HAGH: variants seen among roughly 807,000 people sequenced by gnomAD.
The protein encoded by HAGH is hydroxyacylglutathione hydrolase.
HAGH carries 29 observed loss-of-function variants against 35.1 expected under a neutral mutation model. The observed-to-expected ratio is 0.83, with a 90% confidence interval of 0.62 to 1.13. The LOEUF is 1.13. Among genes scored for constraint, HAGH ranks in the 50% most tolerant of loss-of-function variants. HAGH has a pLI of 0.00. For missense variants in HAGH, 478 were observed against 419.6 expected, an observed-to-expected ratio of 1.14 and a Z score of -1.22; for synonymous variants, 225 against 176.1, an observed-to-expected ratio of 1.28 and a Z score of -2.20.
intron 7 of HAGH, among the ~76,000 whole-genome samples, chr16:1,814,877 G>A (rs1045594525): frequency 1.3e-5 from 2 of 151,826 alleles, no homozygotes; most frequent in East Asian, 1.9e-4. Context: ...CAGCCTGGGC[G>A]ACAGAGCAAG....
upstream of HAGH, chr16:1,827,052 T>G: frequency 1.2e-6 from 1 of 860,374 alleles, no homozygotes; most frequent in Non-Finnish European, 1.7e-6. Context: ...CCGCCTCTTT[T>G]TTGGCACCGC....
intron 7 of HAGH, 41 bp from the exon 8 acceptor site, chr16:1,809,874 G>A (rs749744030): frequency 4.0e-6 from 6 of 1,488,182 alleles, no homozygotes; most frequent in Middle Eastern, 3.4e-4. Context: ...GAACTTCACA[G>A]GATGGCAGAC....
In HAGH at chr16:1,826,751, G is replaced by C. The variant is rs1376633698; in HGVS notation, c.37C>G (p.Leu13Val). Residue 13 changes from leucine to valine, a missense_variant, in exon 1 of 9, where the codon CTC becomes GTC. Leu to Val is a conservative substitution (Grantham distance 32). Coordinates refer to ENST00000397356, the MANE Select transcript of HAGH (RefSeq NM_005326.6). The stretch of plus-strand genomic sequence containing the variant: ...GCGCAGGCGGCTCCCAGCGCGGCGA[G>C]GCTGCGGCGGCCGAGCAGCCCTCGG... ...VGRGLLGRRSLAALGAACARR... is the reference protein window; with the variant it reads ...VGRGLLGRRSVAALGAACARR... 2 of 1,201,254 alleles carry C rather than the reference G, an allele frequency of 1.7e-6. No individual in the cohort carries two copies. Among genetic ancestry groups the C allele is most frequent in the South Asian group, 4.1e-5 (1 of 24,340 alleles). 74.4% of individuals were successfully genotyped at this position (1,201,254 alleles called of 1,614,324 possible). A position where few individuals can be genotyped will look rare whatever the true frequency, so the allele number is the denominator to read the frequency against.
intron 3 of HAGH, among the ~76,000 whole-genome samples, chr16:1,820,610 G>A (rs977487826): frequency 2.0e-5 from 3 of 152,178 alleles, no homozygotes; most frequent in Admixed American, 1.3e-4. Flanking sequence ...ACGCGCCCAG[G>A]TTTCCCCAGG....
In HAGH at chr16:1,808,055, A is replaced by G. The variant is rs1897479501; in HGVS notation, c.*1228T>C. The G allele has an allele frequency of 6.6e-6, 1 of 152,266 alleles. No individual in the cohort carries two copies. Among genetic ancestry groups the G allele is most frequent in the Non-Finnish European group, 1.5e-5 (1 of 68,060 alleles). 9.4% of individuals were successfully genotyped at this position (152,266 alleles called of 1,614,324 possible). ...TCAGTGAATAGGTCAAATGTTTCAG[A>G]ACACGCGAGAGGCGGCTGCAGCATT... On this transcript the variant is annotated 3_prime_UTR_variant, in exon 9 of 9. Coordinates refer to ENST00000397356, the MANE Select transcript of HAGH (RefSeq NM_005326.6).
intron 1 of HAGH, 34 bp from the exon 2 acceptor site, chr16:1,823,071 G>C: frequency 1.9e-6 from 3 of 1,603,778 alleles, no homozygotes; most frequent in Non-Finnish European, 1.7e-6. Context: ...GCGGGCAGCC[G>C]CGCCAGGCCC....
chr16:1,809,010 T>C lies in HAGH; in HGVS notation c.*273A>G. On this transcript the variant is annotated 3_prime_UTR_variant, in exon 9 of 9. Transcript: ENST00000397356. ...GCTCACGCCTGACCTGAAGCGTGGG[T>C]GGGGGGACTGCAGTGGCTCACGGAG... 2 of 446,306 alleles carry C rather than the reference T, an allele frequency of 4.5e-6. No homozygotes were observed. The highest frequency in any genetic ancestry group is 3.8e-5 in the South Asian group (1 of 26,658). 27.6% of individuals were successfully genotyped at this position (446,306 alleles called of 1,614,324 possible). A position where few individuals can be genotyped will look rare whatever the true frequency, so the allele number is the denominator to read the frequency against.
At chr16:1,815,387 A>G (rs1317781551) in intron 7 of HAGH, among the ~76,000 whole-genome samples, 1 of 152,264 alleles carries the variant, frequency 6.6e-6, no homozygotes, top group Non-Finnish European at 1.5e-5. Context: ...TGTCCATAGC[A>G]GCTTTATTCA....
rs1231287389 is a variant in HAGH at position 1,826,728 on chromosome 16, G to A, written c.60C>T (p.Cys20=). 2.6e-6 allele frequency: 3 copies of A among 1,160,924 alleles called. No homozygotes were observed. Among genetic ancestry groups the A allele is most frequent in the Non-Finnish European group, 3.2e-6 (3 of 942,884 alleles). 71.9% of individuals were successfully genotyped at this position (1,160,924 alleles called of 1,614,324 possible). The change falls in exon 1 of 9, where the codon TGC becomes TGT. Residue 20 remains cysteine, a synonymous_variant. Coordinates refer to ENST00000397356, the MANE Select transcript of HAGH (RefSeq NM_005326.6). ...CGCACCCACCGAGGCCTCGGCGGGCGCAGGCGGCTCCCAGCGCGGCGAGGC... is the reference window on the plus strand; with the variant it reads ...CGCACCCACCGAGGCCTCGGCGGGCACAGGCGGCTCCCAGCGCGGCGAGGC... The part of the protein sequence containing the change: ...RRSLAALGAA[C]ARRGLGPALL...
chr16:1,823,744 T>TAAAA (rs71145496), intron 1 of HAGH, among the ~76,000 whole-genome samples: 29 of 55,918 alleles, frequency 5.2e-4, no homozygotes, highest in African/African-American at 1.9e-3. Flanking sequence ...ACCTGTTCCT[T>TAAAA]AAAAAAAAAA....
intron 5 of HAGH, among the ~76,000 whole-genome samples, chr16:1,817,937 G>A (rs1223246984): frequency 2.0e-5 from 3 of 150,444 alleles, no homozygotes; most frequent in Admixed American, 6.6e-5. Context: ...AGTGGAGGCC[G>A]CCCCACTTCT....
intron 1 of HAGH, among the ~76,000 whole-genome samples, chr16:1,824,529 C>T (rs1015254488): frequency 6.6e-5 from 10 of 151,922 alleles, no homozygotes; most frequent in African/African-American, 2.4e-5. Flanking sequence ...CCCGACAATA[C>T]CTTCAGTTCC....
chr16:1,816,963 T>G lies in HAGH; in HGVS notation c.677A>C (p.Asn226Thr). ...CACGTGGCGTGCAAACTTGAGGTTG[T>G]TGATGGTGTACTCGTGGCCACAGTA... ...RVYCGHEYTI[N>T]NLKFARHVEP... is the part of the protein sequence containing the mutation. The change falls in exon 7 of 9, where the codon AAC becomes ACC. Residue 226 changes from asparagine to threonine, a missense_variant. Physicochemically the swap from Asn to Thr is moderately conservative, Grantham distance 65. Transcript: ENST00000397356. The G allele has an allele frequency of 6.2e-7, 1 of 1,613,566 alleles. No individual in the cohort carries two copies. Among genetic ancestry groups the G allele is most frequent in the Non-Finnish European group, 8.5e-7 (1 of 1,179,528 alleles).
At chr16:1,826,892 G>T, upstream of HAGH, 1 of 740,296 alleles carries the variant, frequency 1.4e-6, no homozygotes, top group Non-Finnish European at 1.9e-6. Context: ...CAGCCAATCA[G>T]CGTCCACCTC....
At position 1,809,017 on chromosome 16, in the gene HAGH, A is replaced by G; in HGVS notation, c.*266T>C. The stretch of plus-strand genomic sequence containing the variant: ...CCTGACCTGAAGCGTGGGTGGGGGG[A>G]CTGCAGTGGCTCACGGAGGAGGAAG... On this transcript the variant is annotated 3_prime_UTR_variant, in exon 9 of 9. Coordinates refer to ENST00000397356, the MANE Select transcript of HAGH (RefSeq NM_005326.6). 6.5e-6 allele frequency: 3 copies of G among 458,738 alleles called. No individual in the cohort carries two copies. The highest frequency in any genetic ancestry group is 1.2e-5 in the Non-Finnish European group (3 of 255,084). The allele number at this position is 458,738 out of a possible 1,614,324, so 28.4% of individuals were successfully genotyped here.
chr16:1,809,571 G>A (rs762021239), intron 8 of HAGH, 183 bp downstream of exon 8: 24 of 666,664 alleles, frequency 3.6e-5, no homozygotes, highest in South Asian at 1.4e-4. Flanking sequence ...CTCACACCCC[G>A]GCCAAGGTGC....
In HAGH at chr16:1,823,744, T is replaced by TAAAAA. The variant is rs71145496; in HGVS notation, c.77-712_77-708dup. On this transcript the variant is annotated intron_variant, in intron 1 of 8. Transcript: ENST00000397356. ...GGTGACAAGACAATAACCTGTTCCT[T>TAAAAA]AAAAAAAAAAAAAAAAAAAAAAAAA... is the stretch of plus-strand genomic sequence containing the variant. 6.3e-4 allele frequency among the ~76,000 whole-genome samples: 35 copies of TAAAAA among 55,922 alleles called. 1 individual carries two copies. The highest frequency in any genetic ancestry group is 2.7e-3 in the African/African-American group (34 of 12,510). The allele number at this position is 55,922 out of a possible 152,430, so 36.7% of individuals were successfully genotyped here.
At chr16:1,820,154 A>T in intron 3 of HAGH, 140 bp from the exon 4 acceptor site, 1 of 692,392 alleles carries the variant, frequency 1.4e-6, no homozygotes, top group East Asian at 2.5e-5. Context: ...TTCCACTCAC[A>T]AAGGAAACCG....
intron 2 of HAGH, 146 bp from the exon 3 acceptor site, chr16:1,822,510 C>A: frequency 2.8e-6 from 2 of 713,146 alleles, no homozygotes; most frequent in Admixed American, 3.9e-5. Flanking sequence ...GCTTGCCCTG[C>A]TCCAGGAGAG....
Sources: allele counts gnomAD v4.1 joint callset (sites outside exome capture counted in the v4.1 genomes callset), GRCh38; gene constraint gnomAD v4.1.1; transcripts MANE v1.5; gene names NCBI Gene and HGNC (gene_info 2026-07-23, HGNC 2026-07-21).